HSD17B3: variants seen among roughly 807,000 people sequenced by gnomAD.
HSD17B3 encodes hydroxysteroid 17-beta dehydrogenase 3, also known as 17-beta-hydroxysteroid dehydrogenase type 3.
Under a neutral mutation model 41.1 loss-of-function variants are expected in HSD17B3, and 29 were observed. That is an observed-to-expected ratio of 0.71 (90% CI 0.53 to 0.96). The LOEUF (loss-of-function observed/expected upper bound fraction) is 0.96. Ranked by LOEUF, HSD17B3 falls within the 40% of genes least tolerant of loss-of-function variation. HSD17B3 has a pLI of 0.00. For missense variants in HSD17B3, 323 were observed against 374.6 expected (o/e 0.86, Z 1.14); for synonymous variants, 126 against 145.6 (o/e 0.87, Z 0.97).
intron 10 of HSD17B3, 31 bp from the exon 11 acceptor site, chr9:96,235,601 A>T (rs1836205173): frequency 6.4e-7 from 1 of 1,563,386 alleles, no homozygotes. Context: ...AGTGTTGGGG[A>T]GGAAGGAATA....
intron 1 of HSD17B3, among the ~76,000 whole-genome samples, 174 bp downstream of exon 1, chr9:96,301,777 A>C (rs543527625): frequency 3.4e-4 from 51 of 151,428 alleles, no homozygotes; most frequent in African/African-American, 1.0e-3. Flanking sequence ...GCTACTTGGG[A>C]GGCTGAGGCA....
intron 6 of HSD17B3, among the ~76,000 whole-genome samples, chr9:96,247,672 A>G (rs1836724423): frequency 6.6e-6 from 1 of 152,174 alleles, no homozygotes; most frequent in Non-Finnish European, 1.5e-5. Context: ...GGGATATTAT[A>G]TGAGCCTTGT....
In HSD17B3 at chr9:96,301,710, C is replaced by CA. The variant is rs35760395; in HGVS notation, c.154+240dup. On this transcript the variant is annotated intron_variant, in intron 1 of 10. Transcript: ENST00000375263. ...CGGGCAACAGAGTGAGACTCTGTCTCAAAAAAAAAAAAAAAACACCATTAG... is the reference window on the plus strand; with the variant it reads ...CGGGCAACAGAGTGAGACTCTGTCTCAAAAAAAAAAAAAAAAACACCATTAG... Among the ~76,000 whole-genome samples the CA allele has an allele frequency of 0.41, 42,344 of 103,126 alleles. 7,772 individuals carry two copies. The highest frequency in any genetic ancestry group is 0.48 in the Non-Finnish European group (24,631 of 51,738). 67.7% of individuals were successfully genotyped at this position (103,126 alleles called of 152,430 possible). A position where few individuals can be genotyped will look rare whatever the true frequency, so the allele number is the denominator to read the frequency against.
chr9:96,278,906 T>C (rs1826578644), intron 2 of HSD17B3, among the ~76,000 whole-genome samples: 1 of 152,238 alleles, frequency 6.6e-6, no homozygotes, highest in Non-Finnish European at 1.5e-5. Flanking sequence ...GAACCTGTTC[T>C]TGAAAGCTCA....
intron 2 of HSD17B3, among the ~76,000 whole-genome samples, chr9:96,283,432 G>GT (rs1485374535): frequency 3.9e-5 from 6 of 152,094 alleles, no homozygotes; most frequent in Non-Finnish European, 7.4e-5. Flanking sequence ...TGTCTATAAG[G>GT]TTTTATTAAG....
At chr9:96,258,853 G>C (rs1825759853) in intron 2 of HSD17B3, among the ~76,000 whole-genome samples, 1 of 151,882 alleles carries the variant, frequency 6.6e-6, no homozygotes, top group Non-Finnish European at 1.5e-5. Flanking sequence ...TGTTAATTAG[G>C]GTAACATTAG....
In HSD17B3 at chr9:96,279,852, C is replaced by T. The variant is rs184741475; in HGVS notation, c.201+18564G>A. Among the ~76,000 whole-genome samples the T allele has an allele frequency of 9.9e-3, 1,504 of 152,010 alleles. 36 individuals are homozygous for T. Among genetic ancestry groups the T allele is most frequent in the African/African-American group, 0.034 (1,419 of 41,442 alleles). On this transcript the variant is annotated intron_variant, in intron 2 of 10. Coordinates refer to ENST00000375263, the MANE Select transcript of HSD17B3 (RefSeq NM_000197.2). ...TGGCGCGATCTCGGCTCACGGCAAG[C>T]TCCGCCTCCCAGGTTCACGCCATTC... is the stretch of plus-strand genomic sequence containing the variant.
chr9:96,276,233 T>G (rs1587764203), intron 2 of HSD17B3, among the ~76,000 whole-genome samples: 3 of 151,292 alleles, frequency 2.0e-5, no homozygotes, highest in Admixed American at 2.0e-4. Flanking sequence ...TATAAAACAT[T>G]AATGAAGGAA....
intron 1 of HSD17B3, among the ~76,000 whole-genome samples, chr9:96,300,088 G>A (rs556018039): frequency 4.6e-5 from 7 of 151,440 alleles, no homozygotes; most frequent in Non-Finnish European, 1.0e-4. Context: ...AGAGTGCTAC[G>A]TCCACCCACA....
chr9:96,241,551 C>T (rs1185096714), intron 9 of HSD17B3, among the ~76,000 whole-genome samples: 1 of 152,128 alleles, frequency 6.6e-6, no homozygotes, highest in Non-Finnish European at 1.5e-5. Flanking sequence ...ACCATGTTTC[C>T]ACCTGTGGGC....
intron 5 of HSD17B3, chr9:96,251,046 T>C: frequency 4.0e-6 from 1 of 248,934 alleles, no homozygotes; most frequent in Non-Finnish European, 7.9e-6. Flanking sequence ...CAAATCTTAG[T>C]ACCTGGGAAG....
In HSD17B3 at chr9:96,249,679, A is replaced by C. The variant is rs973260361; in HGVS notation, c.489+72T>G. 5 of 1,380,282 alleles carry C rather than the reference A, an allele frequency of 3.6e-6. No homozygotes were observed. In the African/African-American group the frequency reaches 5.7e-5, roughly 16 times the overall value. 85.5% of individuals were successfully genotyped at this position (1,380,282 alleles called of 1,614,324 possible). A position where few individuals can be genotyped will look rare whatever the true frequency, so the allele number is the denominator to read the frequency against. On this transcript the variant is annotated intron_variant, in intron 6 of 10. Coordinates refer to ENST00000375263, the MANE Select transcript of HSD17B3 (RefSeq NM_000197.2). ...AATCCTGCTTCTACAGTGGATGGGC[A>C]CAATTCTCCTGAGTTGCCAAATTTC...
At chr9:96,273,323 T>C (rs904753214) in intron 2 of HSD17B3, among the ~76,000 whole-genome samples, 36 of 152,210 alleles carry the variant, frequency 2.4e-4, no homozygotes, top group African/African-American at 8.4e-4. Flanking sequence ...TACAAAGAAG[T>C]TTCAGCAATT....
chr9:96,248,907 AT>A (rs11417524), intron 6 of HSD17B3, among the ~76,000 whole-genome samples: 2,473 of 142,072 alleles, frequency 0.017, 45 homozygotes, highest in African/African-American at 0.053. Flanking sequence ...ATCCACAGCC[AT>A]TTTTTTTTTT....
intron 8 of HSD17B3, among the ~76,000 whole-genome samples, chr9:96,244,878 C>T (rs1476184452): frequency 1.3e-5 from 2 of 152,114 alleles, no homozygotes; most frequent in Non-Finnish European, 2.9e-5. Flanking sequence ...GTTAGCACTT[C>T]ATCCCCCGGT....
intron 2 of HSD17B3, among the ~76,000 whole-genome samples, chr9:96,274,193 C>T (rs1826364334): frequency 6.6e-6 from 1 of 152,068 alleles, no homozygotes; most frequent in African/African-American, 2.4e-5. Flanking sequence ...AATCCCAGCA[C>T]TTTGGGAGGC....
At chr9:96,246,268 C>T (rs775319496) in intron 7 of HSD17B3, among the ~76,000 whole-genome samples, 1 of 152,186 alleles carries the variant, frequency 6.6e-6, no homozygotes, top group Admixed American at 6.5e-5. Flanking sequence ...TTCTTTTACA[C>T]TCAACATTAG....
chr9:96,254,982 G>A, intron 2 of HSD17B3, 39 bp from the exon 3 acceptor site: 1 of 1,555,806 alleles, frequency 6.4e-7, no homozygotes, highest in East Asian at 2.2e-5. Flanking sequence ...CAAGGATGAT[G>A]AGCAGACAGG....
chr9:96,235,524 G>C lies in HSD17B3; in HGVS notation c.869C>G (p.Ala290Gly), dbSNP rs770659849. The C allele has an allele frequency of 5.4e-5, 87 of 1,614,120 alleles. No homozygotes were observed. In the Middle Eastern group the frequency reaches 6.1e-3, roughly 113 times the overall value. ...LIPAWAFYSG[A>G]FQRLLLTHYV... The stretch of plus-strand genomic sequence containing the variant: ...GTGTGTCAGGAGCAGCCTTTGGAAG[G>C]CACCGCTGTAGAAGGCCCAGGCCGG... The change falls in exon 11 of 11, where the codon GCC becomes GGC. Residue 290 changes from alanine (A) to glycine (G), a missense_variant. By Grantham distance (60) the Ala-to-Gly change is moderately conservative (BLOSUM62 0). Transcript: ENST00000375263.
Sources: allele counts gnomAD v4.1 joint callset (sites outside exome capture counted in the v4.1 genomes callset), GRCh38; gene constraint gnomAD v4.1.1; transcripts MANE v1.5; gene names NCBI Gene and HGNC (gene_info 2026-07-23, HGNC 2026-07-21).